PTPRO: variants seen among roughly 807,000 people sequenced by gnomAD.
The protein encoded by PTPRO is receptor-type tyrosine-protein phosphatase O.
A neutral mutation model predicts 145.2 loss-of-function variants in PTPRO; 62 were observed. The observed-to-expected ratio is 0.43, with a 90% CI of 0.35 to 0.53. The LOEUF is 0.53. Ranked by LOEUF, PTPRO falls within the 20% of genes least tolerant of loss-of-function variation. PTPRO has a pLI of 0.01. For synonymous variants in PTPRO, 565 were observed against 514.7 expected (o/e 1.10, Z -1.32); for missense variants, 1,345 against 1,482.7 (o/e 0.91, Z 1.53).
chr12:15,437,787 C>T (rs1390912275), intron 1 of PTPRO, among the ~76,000 whole-genome samples: 1 of 152,206 alleles, frequency 6.6e-6, no homozygotes, highest in South Asian at 2.1e-4. Flanking sequence ...TTTAGACACA[C>T]TTCTGGGTGC....
intron 17 of PTPRO, among the ~76,000 whole-genome samples, chr12:15,562,284 T>G (rs1162294624): frequency 1.3e-5 from 2 of 152,172 alleles, no homozygotes; most frequent in African/African-American, 2.4e-5. Flanking sequence ...TTGCTTCATC[T>G]AATAACTTGT....
At chr12:15,475,014 C>T (rs554986286) in intron 1 of PTPRO, among the ~76,000 whole-genome samples, 1 of 152,314 alleles carries the variant, frequency 6.6e-6, no homozygotes, top group South Asian at 2.1e-4. Context: ...TGGGCCAATG[C>T]TTATTTTCAT....
intron 1 of PTPRO, among the ~76,000 whole-genome samples, chr12:15,457,184 C>T (rs1485377540): frequency 2.0e-5 from 3 of 152,202 alleles, no homozygotes; most frequent in Non-Finnish European, 4.4e-5. Flanking sequence ...GCTCTTGGGC[C>T]TTTGGCCACA....
intron 11 of PTPRO, 137 bp downstream of exon 11, chr12:15,525,102 A>G: frequency 1.9e-6 from 2 of 1,054,248 alleles, no homozygotes; most frequent in Non-Finnish European, 2.8e-6. Flanking sequence ...GAGATAAGAC[A>G]GTGAACAAAA....
intron 1 of PTPRO, among the ~76,000 whole-genome samples, chr12:15,370,305 A>G (rs1442262678): frequency 6.6e-6 from 1 of 152,060 alleles, no homozygotes; most frequent in East Asian, 1.9e-4. Context: ...AAATATACCA[A>G]AAAAAGGTAG....
At chr12:15,400,638 C>A (rs1383262128) in intron 1 of PTPRO, among the ~76,000 whole-genome samples, 1 of 152,214 alleles carries the variant, frequency 6.6e-6, no homozygotes, top group Non-Finnish European at 1.5e-5. Flanking sequence ...CTATACATTT[C>A]CATTGTGCAA....
intron 1 of PTPRO, among the ~76,000 whole-genome samples, chr12:15,371,233 C>T (rs1489505875): frequency 1.3e-5 from 2 of 149,708 alleles, no homozygotes; most frequent in Non-Finnish European, 3.0e-5. Context: ...ACCTCAAGCT[C>T]ACTATTTTTT....
intron 14 of PTPRO, 69 bp downstream of exon 14, chr12:15,549,295 C>A: frequency 8.4e-7 from 1 of 1,195,412 alleles, no homozygotes; most frequent in Non-Finnish European, 1.1e-6. Flanking sequence ...GTATTTGTAT[C>A]AATATTCCAC....
intron 23 of PTPRO, among the ~76,000 whole-genome samples, chr12:15,583,677 T>C (rs960679646): frequency 1.3e-5 from 2 of 152,196 alleles, no homozygotes; most frequent in African/African-American, 4.8e-5. Flanking sequence ...CAAAACTATA[T>C]GATCTGCAAA....
intron 12 of PTPRO, among the ~76,000 whole-genome samples, chr12:15,536,054 A>T (rs3085513): frequency 0.76 from 104,390 of 136,906 alleles, 36,102 homozygotes; most frequent in Admixed American, 0.79. Context: ...ATACTTTTTT[A>T]AAAAATTATT....
intron 2 of PTPRO, among the ~76,000 whole-genome samples, chr12:15,491,086 G>C (rs1269125065): frequency 6.6e-6 from 1 of 152,164 alleles, no homozygotes; most frequent in African/African-American, 2.4e-5. Context: ...GGCCTGCTTT[G>C]ATGTAGCTGA....
At chr12:15,448,807 A>T (rs1203031568) in intron 1 of PTPRO, among the ~76,000 whole-genome samples, 1 of 152,136 alleles carries the variant, frequency 6.6e-6, no homozygotes, top group East Asian at 1.9e-4. Context: ...GATTAAAATA[A>T]TTAGGGTACT....
chr12:15,415,383 TG>T (rs1268226030), intron 1 of PTPRO, among the ~76,000 whole-genome samples: 1 of 100,106 alleles, frequency 1.0e-5, no homozygotes, highest in African/African-American at 3.1e-5. Flanking sequence ...TTAGGTGAAA[TG>T]AATTTTTTTT....
chr12:15,332,394 A>C (rs1239888003), intron 1 of PTPRO, among the ~76,000 whole-genome samples: 2 of 152,214 alleles, frequency 1.3e-5, no homozygotes, highest in African/African-American at 4.8e-5. Flanking sequence ...ACTTTCTTAT[A>C]AAACACTGAT....
chr12:15,368,251 T>C (rs73308755), intron 1 of PTPRO, among the ~76,000 whole-genome samples: 25,587 of 152,024 alleles, frequency 0.17, 5,117 homozygotes, highest in African/African-American at 0.48. Flanking sequence ...GGCATTCCCA[T>C]CCTCACCACC....
intron 24 of PTPRO, among the ~76,000 whole-genome samples, chr12:15,588,542 A>G (rs949189466): frequency 7.2e-5 from 11 of 152,116 alleles, no homozygotes; most frequent in Admixed American, 3.9e-4. Flanking sequence ...ACTGGGTCCA[A>G]ATTTTTCATT....
intron 6 of PTPRO, among the ~76,000 whole-genome samples, chr12:15,504,664 C>T (rs559259540): frequency 1.3e-5 from 2 of 152,116 alleles, no homozygotes; most frequent in South Asian, 4.1e-4. Flanking sequence ...ACGTGTTTAG[C>T]TAAACTGACT....
chr12:15,554,053 G>T (rs1481657973), intron 15 of PTPRO, among the ~76,000 whole-genome samples: 1 of 152,182 alleles, frequency 6.6e-6, no homozygotes, highest in Non-Finnish European at 1.5e-5. Context: ...AATTAGCTGG[G>T]CGTGGTGGCA....
intron 16 of PTPRO, among the ~76,000 whole-genome samples, chr12:15,559,021 C>T (rs1943709161): frequency 6.6e-6 from 1 of 152,184 alleles, no homozygotes; most frequent in Admixed American, 6.5e-5. Context: ...AAGAGGTTGA[C>T]TCACTGATAC....
Sources: gnomAD v4.1 joint callset for allele counts (sites outside exome capture counted in the v4.1 genomes callset) on GRCh38, gnomAD v4.1.1 for gene constraint, MANE v1.5 for transcripts, NCBI Gene and HGNC (gene_info 2026-07-23, HGNC 2026-07-21) for gene names.